The following DNAH8 variants were observed in gnomAD, a reference collection of about 807,000 sequenced individuals.
The protein encoded by DNAH8 is axonemal beta dynein heavy chain 8.
In DNAH8, 382 loss-of-function variants were observed where a neutral mutation model predicts 562.1. The ratio of observed to expected loss-of-function variants is 0.68; its 90% confidence interval spans 0.63 to 0.74. The LOEUF (loss-of-function observed/expected upper bound fraction) is 0.74, where lower values mean the gene tolerates loss of function less well. DNAH8 is among the 30% of genes least tolerant of loss of function. The pLI, the probability that DNAH8 is intolerant of heterozygous loss-of-function variation, is 0.00. For missense variants in DNAH8, 5,203 were observed against 5,620.4 expected (o/e 0.93, Z 2.37); for synonymous variants, 1,881 against 1,919.4 (o/e 0.98, Z 0.52).
intron 18 of DNAH8, 56 bp from the exon 19 acceptor site, chr6:38,789,747 G>T: frequency 6.8e-6 from 9 of 1,322,824 alleles, no homozygotes; most frequent in Non-Finnish European, 9.6e-6. Context: ...GAATCAAAAT[G>T]TGACTGCTAC....
intron 21 of DNAH8, among the ~76,000 whole-genome samples, chr6:38,799,087 T>C (rs1253509304): frequency 6.6e-6 from 1 of 152,174 alleles, no homozygotes; most frequent in Non-Finnish European, 1.5e-5. Context: ...ACGTAGGGCG[T>C]GGCAGAGAAA....
At chr6:38,740,904 G>A (rs1280681978) in intron 7 of DNAH8, among the ~76,000 whole-genome samples, 1 of 152,162 alleles carries the variant, frequency 6.6e-6, no homozygotes, top group Admixed American at 6.5e-5. Flanking sequence ...GGGATCCACT[G>A]CTCCCAACCT....
intron 21 of DNAH8, among the ~76,000 whole-genome samples, chr6:38,792,660 C>T (rs1288469822): frequency 6.6e-6 from 1 of 152,178 alleles, no homozygotes; most frequent in African/African-American, 2.4e-5. Flanking sequence ...ATTTAGATAC[C>T]TGTTTATCCT....
chr6:39,004,715 T>C (rs1241692687), intron 88 of DNAH8, among the ~76,000 whole-genome samples: 2 of 152,350 alleles, frequency 1.3e-5, no homozygotes, highest in South Asian at 2.1e-4. Flanking sequence ...CCTCAGGCAA[T>C]TGCTAATCTA....
intron 58 of DNAH8, among the ~76,000 whole-genome samples, chr6:38,894,221 C>T (rs1477866898): frequency 6.6e-6 from 1 of 152,196 alleles, no homozygotes; most frequent in East Asian, 1.9e-4. Context: ...AATCCTAACA[C>T]ATTAAGGACC....
chr6:39,028,918 G>GA (rs151001630), intron 92 of DNAH8, among the ~76,000 whole-genome samples: 4,579 of 152,286 alleles, frequency 0.03, 188 homozygotes, highest in African/African-American at 0.089. Context: ...GGGGATTCCA[G>GA]AAACACTTTG....
At chr6:38,974,265 C>A (rs1763532638) in intron 84 of DNAH8, 109 bp from the exon 85 acceptor site, 1 of 878,646 alleles carries the variant, frequency 1.1e-6, no homozygotes, top group Non-Finnish European at 1.7e-6. Context: ...CAAAACACTT[C>A]CAGTCCCAAG....
intron 88 of DNAH8, among the ~76,000 whole-genome samples, chr6:38,994,033 T>C (rs1392569495): frequency 1.3e-5 from 2 of 149,236 alleles, no homozygotes; most frequent in African/African-American, 2.5e-5. Context: ...TTGCAGTCTG[T>C]GAGTGCCCAT....
At chr6:38,815,950 T>C (rs534583155) in intron 26 of DNAH8, among the ~76,000 whole-genome samples, 1 of 152,310 alleles carries the variant, frequency 6.6e-6, no homozygotes, top group South Asian at 2.1e-4. Context: ...CATAAATTCG[T>C]CACTTAAGTA....
intron 88 of DNAH8, among the ~76,000 whole-genome samples, chr6:38,996,707 A>C (rs965284253): frequency 6.6e-6 from 1 of 152,180 alleles, no homozygotes; most frequent in Non-Finnish European, 1.5e-5. Flanking sequence ...GATAGGACTT[A>C]GCGAATGCAG....
intron 82 of DNAH8, among the ~76,000 whole-genome samples, chr6:38,954,978 T>G (rs1258329144): frequency 6.6e-6 from 1 of 152,188 alleles, no homozygotes; most frequent in African/African-American, 2.4e-5. Context: ...CATTTTCCTT[T>G]TTCTTTTGAG....
intron 52 of DNAH8, among the ~76,000 whole-genome samples, chr6:38,874,074 T>TTCTTTCTTTCTTTCTC (rs1777733600): frequency 9.9e-5 from 10 of 100,554 alleles, no homozygotes; most frequent in Non-Finnish European, 1.9e-4. Context: ...TTCTTTTTCT[T>TTCTTTCTTTCTTTCTC]TCTTTCTTTC....
chr6:38,736,206 T>G (rs929225771), intron 5 of DNAH8, among the ~76,000 whole-genome samples: 1 of 152,226 alleles, frequency 6.6e-6, no homozygotes. Flanking sequence ...CTTCTGACCC[T>G]TGTTTCTCCA....
rs147655221 is a variant in DNAH8 at position 38,993,702 on chromosome 6, T to C, written c.13214+3530T>C. Among the ~76,000 whole-genome samples, 892 of 152,304 alleles carry C rather than the reference T, an allele frequency of 5.9e-3. 9 individuals carry two copies. The highest frequency in any genetic ancestry group is 0.02 in the African/African-American group (847 of 41,582). On this transcript the variant is annotated intron_variant, in intron 88 of 92. Coordinates refer to ENST00000327475, the MANE Select transcript of DNAH8 (RefSeq NM_001206927.2). ...TCTATTGTGTTGTGTCTTGCTTTTT[T>C]CTCTTAACAATGTATCCTGTAAATC...
Position 38,971,805 on chromosome 6 carries a change from G to C in DNAH8, c.12525+140G>C, listed in dbSNP as rs867836572. 6 of 533,012 alleles carry C rather than the reference G, an allele frequency of 1.1e-5. No individual in the cohort carries two copies. The Middle Eastern group carries it at 1.1e-3, about 101-fold the overall frequency. 33.0% of individuals were successfully genotyped at this position (533,012 alleles called of 1,614,324 possible). On this transcript the variant is annotated intron_variant, in intron 83 of 92. Transcript: ENST00000327475. ...CATTACCTGTGAATTTTAAACCTCAGTCTAGTTTCCTCCTGATATTCGCAT... is the reference window on the plus strand; with the variant it reads ...CATTACCTGTGAATTTTAAACCTCACTCTAGTTTCCTCCTGATATTCGCAT...
rs763215779 is a variant in DNAH8, at chr6:38,803,277, A to G, written c.3000A>G (p.Glu1000=). ...ELISIFEQIY[E]VKYTGKVGKQ... Reference sequence around the variant, plus strand: ...TATCAATATTTGAGCAGATTTATGAAGTGAAATACACTGGGAAAGTAGGAA... The same window carrying G: ...TATCAATATTTGAGCAGATTTATGAGGTGAAATACACTGGGAAAGTAGGAA... Residue 1000 remains glutamate (E), a synonymous_variant, in exon 22 of 93, where the codon GAA becomes GAG. Coordinates refer to ENST00000327475, the MANE Select transcript of DNAH8 (RefSeq NM_001206927.2). 1 of 1,605,692 alleles carries G rather than the reference A, an allele frequency of 6.2e-7. No individual in the cohort carries two copies. Among genetic ancestry groups the G allele is most frequent in the South Asian group, 1.1e-5 (1 of 89,024 alleles).
Position 38,723,451 on chromosome 6 carries a change from T to C in DNAH8, c.505T>C (p.Leu169=), listed in dbSNP as rs761727646. The change falls in exon 3 of 93, where the codon TTA becomes CTA. Residue 169 remains leucine (L), a synonymous_variant. Coordinates refer to ENST00000327475, the MANE Select transcript of DNAH8 (RefSeq NM_001206927.2). ...CCTGGACATAGTAACTGTTGAAGAA[T>C]TAATTTTGGATTGCCCATCTGTAAG... The part of the protein sequence containing the change: ...LGLDIVTVEE[L]ILDCPSLEAF... The C allele has an allele frequency of 6.2e-7, 1 of 1,607,824 alleles. No individual in the cohort carries two copies. Among genetic ancestry groups the C allele is most frequent in the South Asian group, 1.1e-5 (1 of 89,124 alleles).
At chr6:39,003,289 G>C (rs1430075363) in intron 88 of DNAH8, among the ~76,000 whole-genome samples, 1 of 152,190 alleles carries the variant, frequency 6.6e-6, no homozygotes, top group Non-Finnish European at 1.5e-5. Context: ...GGGGCATAAA[G>C]AGTAAGGGTT....
In DNAH8 at chr6:38,842,488, G is replaced by A; in HGVS notation, c.4587G>A (p.Leu1529=). 6.2e-7 allele frequency: 1 copy of A among 1,611,706 alleles called. No homozygotes were observed. Among genetic ancestry groups the A allele is most frequent in the Non-Finnish European group, 8.5e-7 (1 of 1,179,398 alleles). The change falls in exon 34 of 93, where the codon CTG becomes CTA. Residue 1529 remains leucine (L), a synonymous_variant. Transcript: ENST00000327475. Reference sequence around the variant, plus strand: ...ATATTGAAAAAATTAATGCAGAACTGCTGGAATTTCAAAACAGGTGAGTTT... The same window carrying A: ...ATATTGAAAAAATTAATGCAGAACTACTGGAATTTCAAAACAGGTGAGTTT... ...DVDIEKINAE[L]LEFQNRCRKL...
Sources: allele counts gnomAD v4.1 joint callset (sites outside exome capture counted in the v4.1 genomes callset), GRCh38; gene constraint gnomAD v4.1.1; transcripts MANE v1.5; gene names NCBI Gene and HGNC (gene_info 2026-07-23, HGNC 2026-07-21).